The following WDPCP variants were observed in gnomAD, a reference collection of about 807,000 sequenced individuals.
WDPCP encodes the protein WD repeat-containing and planar cell polarity effector protein fritz homolog.
Under a neutral mutation model 93.1 loss-of-function variants are expected in WDPCP, and 71 were observed. That is an observed-to-expected ratio of 0.76 (90% confidence interval 0.63 to 0.93). The LOEUF is 0.93. Among genes scored for constraint, WDPCP ranks in the 40% least tolerant of loss-of-function variants. WDPCP has a pLI of 0.00. For synonymous variants in WDPCP, 315 were observed against 315.0 expected, an observed-to-expected ratio of 1.00 and a Z score of 0.00; for missense variants, 844 against 887.4, an observed-to-expected ratio of 0.95 and a Z score of 0.62.
At chr2:63,387,679 G>C (rs1692856991) in intron 10 of WDPCP, among the ~76,000 whole-genome samples, 1 of 151,798 alleles carries the variant, frequency 6.6e-6, no homozygotes, top group South Asian at 2.1e-4. Context: ...AAGACATGAA[G>C]TCAAACTATC....
rs565425664 is a variant in WDPCP at position 63,184,505 on chromosome 2, AT to A, written c.1916-9674del. ...CAGAATACAAAATCTGTGGTTGACA[AT>A]TTTTTTTTCCTTTAAGCACATTGAA... On this transcript the variant is annotated intron_variant, in intron 14 of 17. Transcript: ENST00000272321. 1.5e-4 allele frequency among the ~76,000 whole-genome samples: 22 copies of A among 151,422 alleles called. No homozygotes were observed. The South Asian group carries it at 1.9e-3, about 13-fold the overall frequency.
intron 14 of WDPCP, among the ~76,000 whole-genome samples, chr2:63,231,826 A>G (rs1678915877): frequency 6.6e-6 from 1 of 152,182 alleles, no homozygotes; most frequent in South Asian, 2.1e-4. Flanking sequence ...ATTGGAAAAA[A>G]CTACTTTAAA....
rs1436090001 is a variant in WDPCP at position 63,120,363 on chromosome 2, G to C, written c.*1643C>G. ...TCTAATTTGAGTTTCACCTTTTTTT[G>C]TCATACCCTCTGGTAGAGGTACAGA... On this transcript the variant is annotated 3_prime_UTR_variant, in exon 18 of 18. Coordinates refer to ENST00000272321, the MANE Select transcript of WDPCP (RefSeq NM_015910.7). 2.6e-5 allele frequency among the ~76,000 whole-genome samples: 4 copies of C among 151,710 alleles called. No homozygotes were observed.
At chr2:63,419,862 C>A (rs1575383294) in intron 9 of WDPCP, among the ~76,000 whole-genome samples, 1 of 152,008 alleles carries the variant, frequency 6.6e-6, no homozygotes, top group East Asian at 1.9e-4. Flanking sequence ...AGTAAGTAAC[C>A]AAGATGTTTC....
chr2:63,619,793 G>A (rs7574933), intron 3 of WDPCP, among the ~76,000 whole-genome samples: 2,027 of 152,324 alleles, frequency 0.013, 52 homozygotes, highest in African/African-American at 0.046. Flanking sequence ...CAGAAGGTGG[G>A]TGATTTTTGC....
At chr2:63,413,554 T>C (rs977281667) in intron 9 of WDPCP, among the ~76,000 whole-genome samples, 1 of 152,056 alleles carries the variant, frequency 6.6e-6, no homozygotes. Context: ...TCCCAGCACT[T>C]TGGGAGGCCG....
At chr2:63,506,338 T>C (rs1187071408) in intron 1 of WDPCP, among the ~76,000 whole-genome samples, 1 of 151,504 alleles carries the variant, frequency 6.6e-6, no homozygotes, top group African/African-American at 2.4e-5. Flanking sequence ...CTTGGCAACA[T>C]ATACAAAGTC....
At chr2:63,377,344 A>C (rs1247986842) in intron 12 of WDPCP, among the ~76,000 whole-genome samples, 2 of 150,846 alleles carry the variant, frequency 1.3e-5, no homozygotes, top group African/African-American at 4.9e-5. Flanking sequence ...TCTAAAATCA[A>C]CTCCTTGATG....
chr2:63,666,874 C>G (rs539095081), intron 2 of WDPCP, among the ~76,000 whole-genome samples: 15 of 152,268 alleles, frequency 9.9e-5, no homozygotes, highest in African/African-American at 2.9e-4. Flanking sequence ...AGCATTGGAA[C>G]CTTGTCAAAT....
intron 2 of WDPCP, among the ~76,000 whole-genome samples, chr2:63,686,120 G>A (rs889757396): frequency 1.3e-5 from 2 of 152,088 alleles, no homozygotes; most frequent in African/African-American, 4.8e-5. Context: ...AATCAGACAA[G>A]AGAAAGAAAG....
intron 15 of WDPCP, among the ~76,000 whole-genome samples, chr2:63,172,222 G>A (rs547739335): frequency 6.6e-6 from 1 of 152,288 alleles, no homozygotes; most frequent in Admixed American, 6.5e-5. Flanking sequence ...TTCTAAAGAA[G>A]TATCCAGATA....
chr2:63,168,273 A>T (rs760101100), intron 15 of WDPCP, among the ~76,000 whole-genome samples: 2 of 149,560 alleles, frequency 1.3e-5, no homozygotes, highest in African/African-American at 2.5e-5. Flanking sequence ...ATTTGCATTA[A>T]TTTTTTTTTT....
At chr2:63,517,385 G>C (rs1454980562) in intron 1 of WDPCP, among the ~76,000 whole-genome samples, 2 of 152,042 alleles carry the variant, frequency 1.3e-5, no homozygotes, top group Non-Finnish European at 2.9e-5. Context: ...GCCTCTGCCT[G>C]TCTCTTGTAC....
chr2:63,186,814 T>G (rs1183086777), intron 14 of WDPCP, among the ~76,000 whole-genome samples: 10 of 150,644 alleles, frequency 6.6e-5, no homozygotes, highest in South Asian at 4.2e-4. Context: ...TGTGTGTGTT[T>G]TTTTTTTTTT....
intron 15 of WDPCP, among the ~76,000 whole-genome samples, chr2:63,169,025 C>T (rs573358784): frequency 6.6e-6 from 1 of 152,274 alleles, no homozygotes; most frequent in East Asian, 1.9e-4. Context: ...GCTATACAAC[C>T]ATCAGTGAGC....
rs200137583 is a variant in WDPCP, at chr2:63,313,208, T to G, written c.1812+40A>C. The G allele has an allele frequency of 3.1e-6, 5 of 1,594,666 alleles. No individual in the cohort carries two copies. In the African/African-American group the frequency reaches 6.7e-5, roughly 21 times the overall value. ...GTCACAAAAGCTGACAACTTAGCCTTAGAACTGAAGGCACAAAATCATCTC... is the reference window on the plus strand; with the variant it reads ...GTCACAAAAGCTGACAACTTAGCCTGAGAACTGAAGGCACAAAATCATCTC... On this transcript the variant is annotated intron_variant, in intron 13 of 17. Transcript: ENST00000272321.
At chr2:63,553,314 G>A (rs1201027551) in intron 1 of WDPCP, among the ~76,000 whole-genome samples, 2 of 152,086 alleles carry the variant, frequency 1.3e-5, no homozygotes, top group East Asian at 3.9e-4. Flanking sequence ...AAGGTTGTGG[G>A]AAGTATTTCC....
intron 3 of WDPCP, among the ~76,000 whole-genome samples, chr2:63,615,800 T>C (rs1259568449): frequency 6.6e-6 from 1 of 152,192 alleles, no homozygotes; most frequent in Non-Finnish European, 1.5e-5. Context: ...TACACCTGGG[T>C]TCTGCACATG....
intron 2 of WDPCP, among the ~76,000 whole-genome samples, chr2:63,654,051 G>C (rs1710138591): frequency 6.6e-6 from 1 of 151,902 alleles, no homozygotes; most frequent in Admixed American, 6.6e-5. Flanking sequence ...AGACTTATCA[G>C]AAATAATATA....
Sources: allele counts gnomAD v4.1 joint callset (sites outside exome capture counted in the v4.1 genomes callset), GRCh38; gene constraint gnomAD v4.1.1; transcripts MANE v1.5; gene names NCBI Gene and HGNC (gene_info 2026-07-23, HGNC 2026-07-21).